The following PIK3C2G variants were observed in gnomAD, a reference collection of about 807,000 sequenced individuals.
PIK3C2G encodes the protein phosphatidylinositol-4-phosphate 3-kinase catalytic subunit type 2 gamma.
Under a neutral mutation model 181.1 loss-of-function variants are expected in PIK3C2G, and 168 were observed. The observed-to-expected ratio is 0.93, with a 90% CI of 0.82 to 1.05. The LOEUF (loss-of-function observed/expected upper bound fraction) is 1.05, where lower values mean the gene tolerates loss of function less well. Among genes scored for constraint, PIK3C2G ranks in the 50% least tolerant of loss-of-function variants. The pLI is 0.00. For missense variants in PIK3C2G, 1,869 were observed against 1,732.8 expected, an observed-to-expected ratio of 1.08 and a Z score of -1.40; for synonymous variants, 573 against 592.2, an observed-to-expected ratio of 0.97 and a Z score of 0.47.
intron 9 of PIK3C2G, 138 bp downstream of exon 9, chr12:18,338,686 TG>T (rs1938807501): frequency 8.8e-5 from 53 of 605,600 alleles, no homozygotes; most frequent in Non-Finnish European, 1.5e-4. Flanking sequence ...TGTGTGTGTG[TG>T]TGTGTGTGTG....
At chr12:18,602,419 C>G (rs765561932) in intron 30 of PIK3C2G, among the ~76,000 whole-genome samples, 30 of 151,724 alleles carry the variant, frequency 2.0e-4, no homozygotes, top group Non-Finnish European at 4.1e-4. Flanking sequence ...CTAGCCCCAC[C>G]CCCACCTGAT....
At chr12:18,431,526 A>G (rs1290203949) in intron 18 of PIK3C2G, among the ~76,000 whole-genome samples, 1 of 152,224 alleles carries the variant, frequency 6.6e-6, no homozygotes, top group Non-Finnish European at 1.5e-5. Flanking sequence ...TGTCAGTTTT[A>G]AATACTGATA....
At chr12:18,602,434 C>A (rs549212619) in intron 30 of PIK3C2G, among the ~76,000 whole-genome samples, 2 of 151,322 alleles carry the variant, frequency 1.3e-5, no homozygotes, top group Admixed American at 1.3e-4. Context: ...CCTGATGGTC[C>A]CTCCCTACCC....
chr12:18,377,334 T>C (rs1319096366), intron 13 of PIK3C2G, among the ~76,000 whole-genome samples: 2 of 152,338 alleles, frequency 1.3e-5, no homozygotes, highest in East Asian at 1.9e-4. Context: ...TACGATATAT[T>C]CAAATTAAAA....
At chr12:18,720,605 C>T in the PIK3C2G span, among the ~76,000 whole-genome samples, 1 of 151,796 alleles carries the variant, frequency 6.6e-6, no homozygotes, top group Admixed American at 6.6e-5. Context: ...CTTATATATT[C>T]ACTCTAAAAT....
At chr12:18,511,553 G>A (rs900825215) in intron 24 of PIK3C2G, among the ~76,000 whole-genome samples, 6 of 151,868 alleles carry the variant, frequency 4.0e-5, no homozygotes, top group South Asian at 2.1e-4. Flanking sequence ...GGCTCTAATC[G>A]CATTTCCTTG....
rs1939320166 is a variant in PIK3C2G at position 18,343,331 on chromosome 12, T to G, written c.1400T>G (p.Phe467Cys). The G allele has an allele frequency of 8.8e-6, 12 of 1,360,496 alleles. No homozygotes were observed. The South Asian group carries it at 1.4e-4, about 16-fold the overall frequency. 84.3% of individuals were successfully genotyped at this position (1,360,496 alleles called of 1,614,324 possible). The change falls in exon 10 of 33, where the codon TTT becomes TGT. Residue 467 changes from phenylalanine to cysteine, a missense_variant. Phe to Cys is a radical substitution (Grantham distance 205, BLOSUM62 -2). Coordinates refer to ENST00000538779, the MANE Select transcript of PIK3C2G (RefSeq NM_001288772.2). ...TAATTTTACATTTTTTTTCAGAATT[T>G]TTATCAAAGTTCAGAGACTTCAGCA... ...SLILQRKGEN[F>C]YQSSETSAKG...
intron 25 of PIK3C2G, 139 bp downstream of exon 25, chr12:18,538,451 T>A: frequency 4.7e-6 from 3 of 634,022 alleles, no homozygotes; most frequent in Non-Finnish European, 8.0e-6. Context: ...AAGAGTACCA[T>A]TGTACAGCTT....
chr12:18,688,626 A>C, the PIK3C2G span, among the ~76,000 whole-genome samples: 7 of 151,956 alleles, frequency 4.6e-5, no homozygotes, highest in Non-Finnish European at 7.4e-5. Flanking sequence ...TGTACCATTT[A>C]ACTCCCTGTG....
At chr12:18,612,641 C>T (rs928016099) in intron 31 of PIK3C2G, among the ~76,000 whole-genome samples, 67 of 152,008 alleles carry the variant, frequency 4.4e-4, no homozygotes, top group African/African-American at 1.6e-3. Context: ...CATAAAAATC[C>T]ATCTATAAAT....
chr12:18,303,116 T>TTTCTTTC, intron 5 of PIK3C2G, among the ~76,000 whole-genome samples: 2 of 40,638 alleles, frequency 4.9e-5, no homozygotes, highest in Non-Finnish European at 8.6e-5. Flanking sequence ...CTTTCTTTCC[T>TTTCTTTC]TCTTTCTTTC....
chr12:18,545,409 C>A (rs1165838338), intron 25 of PIK3C2G, among the ~76,000 whole-genome samples: 1 of 151,696 alleles, frequency 6.6e-6, no homozygotes, highest in East Asian at 1.9e-4. Flanking sequence ...TTTTAAGGAT[C>A]GATAGTATCA....
At chr12:18,416,002 C>T (rs1393059471) in intron 16 of PIK3C2G, among the ~76,000 whole-genome samples, 2 of 152,178 alleles carry the variant, frequency 1.3e-5, no homozygotes, top group African/African-American at 2.4e-5. Context: ...AATCCCAGCA[C>T]TTTAGGAGGC....
At position 18,496,024 on chromosome 12, in the gene PIK3C2G, A is replaced by C. The variant is rs1312268052; in HGVS notation, c.2794-38A>C. ...CTTTTTGGGGATTGGGGTCTGATTT[A>C]TTTTGCTCACTAGTTTTCCCTTTTT... On this transcript the variant is annotated intron_variant, in intron 20 of 32. Transcript: ENST00000538779. The C allele has an allele frequency of 2.7e-6, 3 of 1,130,318 alleles. No individual in the cohort carries two copies. The African/African-American group carries it at 4.9e-5, about 18-fold the overall frequency. 70.0% of individuals were successfully genotyped at this position (1,130,318 alleles called of 1,614,324 possible). A position where few individuals can be genotyped will look rare whatever the true frequency, so the allele number is the denominator to read the frequency against.
At chr12:18,536,861 T>C (rs1943880048) in intron 24 of PIK3C2G, among the ~76,000 whole-genome samples, 1 of 152,102 alleles carries the variant, frequency 6.6e-6, no homozygotes, top group South Asian at 2.1e-4. Context: ...ACTTTAGACA[T>C]AGTCCGCAGT....
At chr12:18,720,268 A>G in the PIK3C2G span, among the ~76,000 whole-genome samples, 16 of 151,918 alleles carry the variant, frequency 1.1e-4, no homozygotes, top group Admixed American at 9.9e-4. Context: ...TCTATCACTG[A>G]TAGGCATTTA....
rs559804693 is a variant in PIK3C2G at position 18,287,570 on chromosome 12, A to G, written c.761+641A>G. Reference sequence around the variant, plus strand: ...TCTGAAAGTTTTGAAAAACTAATGCATTCAGTTGGGCGCGGTAGCTCACGC... The same window carrying G: ...TCTGAAAGTTTTGAAAAACTAATGCGTTCAGTTGGGCGCGGTAGCTCACGC... On this transcript the variant is annotated intron_variant, in intron 3 of 32. Transcript: ENST00000538779. Among the ~76,000 whole-genome samples, 7 of 152,296 alleles carry G rather than the reference A, an allele frequency of 4.6e-5. No individual in the cohort carries two copies. In the South Asian group the frequency reaches 1.5e-3, roughly 32 times the overall value.
rs538771022 is a variant in PIK3C2G at position 18,546,414 on chromosome 12, C to A, written c.3572C>A (p.Ala1191Glu). The A allele has an allele frequency of 1.3e-6, 2 of 1,588,120 alleles. No individual in the cohort carries two copies. The highest frequency in any genetic ancestry group is 1.7e-5 in the Admixed American group (1 of 57,978). Residue 1191 changes from alanine to glutamate, a missense_variant, in exon 26 of 33, where the codon GCA becomes GAA. Ala to Glu is a moderately radical substitution (Grantham distance 107, BLOSUM62 -1). Transcript: ENST00000538779. ...NLRPQDTDLE[A>E]TSHFTKKIKE... ...CGTCCACAAGACACAGACCTGGAAG[C>A]AACAAGTCATTTTACCAAGTAAGAT...
chr12:18,450,939 T>C (rs1354907084), intron 18 of PIK3C2G, among the ~76,000 whole-genome samples: 1 of 152,176 alleles, frequency 6.6e-6, no homozygotes, highest in African/African-American at 2.4e-5. Flanking sequence ...GGTCTATATA[T>C]CTGTTTTGAT....
Sources: gnomAD v4.1 joint callset for allele counts (sites outside exome capture counted in the v4.1 genomes callset) on GRCh38, gnomAD v4.1.1 for gene constraint, MANE v1.5 for transcripts, NCBI Gene and HGNC (gene_info 2026-07-23, HGNC 2026-07-21) for gene names.